The following PKHD1 variants were observed in gnomAD, a reference collection of about 807,000 sequenced individuals.
The protein encoded by PKHD1 is PKHD1 ciliary IPT domain containing fibrocystin/polyductin, also known as fibrocystin.
PKHD1 carries 291 observed loss-of-function variants against 412.0 expected under a neutral mutation model. The ratio of observed to expected loss-of-function variants is 0.71; its 90% CI spans 0.64 to 0.78. The LOEUF (loss-of-function observed/expected upper bound fraction) is 0.78, where lower values mean the gene tolerates loss of function less well. PKHD1 is among the 30% of genes least tolerant of loss of function. The pLI, the probability that PKHD1 is intolerant of heterozygous loss-of-function variation, is 0.00. For synonymous variants in PKHD1, 1,777 were observed against 1,821.5 expected, an observed-to-expected ratio of 0.98 and a Z score of 0.62; for missense variants, 4,825 against 4,950.7, an observed-to-expected ratio of 0.97 and a Z score of 0.76.
intron 4 of PKHD1, among the ~76,000 whole-genome samples, chr6:52,081,811 T>C (rs1001628371): frequency 6.6e-6 from 1 of 152,166 alleles, no homozygotes; most frequent in African/African-American, 2.4e-5. Context: ...AGTGTTTTTT[T>C]TCTCTTAACC....
intron 37 of PKHD1, among the ~76,000 whole-genome samples, chr6:51,932,599 T>C (rs1266886): frequency 0.7 from 107,227 of 152,156 alleles, 38,273 homozygotes; most frequent in East Asian, 0.94. Flanking sequence ...TTGAAAACCA[T>C]GGCTGACGTG....
At chr6:51,948,115 A>G (rs907296174) in intron 36 of PKHD1, among the ~76,000 whole-genome samples, 3 of 152,104 alleles carry the variant, frequency 2.0e-5, no homozygotes, top group African/African-American at 7.2e-5. Context: ...CTGGGGTCCA[A>G]GTCACTCTCA....
intron 37 of PKHD1, among the ~76,000 whole-genome samples, chr6:51,933,437 GT>G (rs1786968330): frequency 6.6e-6 from 1 of 152,174 alleles, no homozygotes. Flanking sequence ...ACTAAATGAG[GT>G]TGTCTGTATT....
chr6:51,961,500 C>A (rs1369179516), intron 35 of PKHD1, among the ~76,000 whole-genome samples: 1 of 152,082 alleles, frequency 6.6e-6, no homozygotes, highest in Non-Finnish European at 1.5e-5. Flanking sequence ...ACTGCAGTAT[C>A]TGTAGGCTAC....
chr6:51,904,877 GAACA>G (rs1250224371), intron 41 of PKHD1, among the ~76,000 whole-genome samples: 1 of 152,070 alleles, frequency 6.6e-6, no homozygotes, highest in African/African-American at 2.4e-5. Context: ...ACAAACATAG[GAACA>G]AACAAAGTCA....
chr6:51,772,624 C>T, intron 55 of PKHD1, 78 bp downstream of exon 55: 1 of 723,186 alleles, frequency 1.4e-6, no homozygotes, highest in South Asian at 1.7e-5. Context: ...AAATCAGTTT[C>T]ATATTGTAAC....
chr6:51,808,934 G>T (rs1189443407), intron 52 of PKHD1, among the ~76,000 whole-genome samples: 1 of 151,970 alleles, frequency 6.6e-6, no homozygotes, highest in Non-Finnish European at 1.5e-5. Context: ...CCACTTTGCT[G>T]GTCCATAATC....
intron 65 of PKHD1, among the ~76,000 whole-genome samples, chr6:51,629,942 T>A (rs1318733974): frequency 2.0e-5 from 3 of 151,760 alleles, no homozygotes; most frequent in Admixed American, 1.3e-4. Context: ...AAAACTTGTA[T>A]CAACTACATG....
rs765687596 is a variant in PKHD1, at chr6:52,066,041, C to T, written c.815G>A (p.Gly272Glu). ...TGTAATTGTGATGTTTGTTCTTCCC[C>T]CAAGGCTCCCAGTTTCTGGAAACAC... The part of the protein sequence containing the change: ...LSVFPETGSL[G>E]GRTNITITGD... The change falls in exon 12 of 67, where the codon GGG becomes GAG. Residue 272 changes from glycine to glutamate, a missense_variant. By Grantham distance (98) the Gly-to-Glu change is moderately conservative. Transcript: ENST00000371117. 41 of 1,601,910 alleles carry T rather than the reference C, an allele frequency of 2.6e-5. No individual in the cohort carries two copies. Among genetic ancestry groups the T allele is most frequent in the Middle Eastern group, 1.7e-4 (1 of 6,052 alleles).
chr6:51,629,783 A>G (rs1767710218), intron 65 of PKHD1, among the ~76,000 whole-genome samples: 1 of 152,166 alleles, frequency 6.6e-6, no homozygotes, highest in Admixed American at 6.6e-5. Context: ...TGAAATAATG[A>G]TTGAGAAATT....
intron 60 of PKHD1, chr6:51,721,991 C>T (rs1312112558): frequency 6.2e-7 from 1 of 1,613,610 alleles, no homozygotes; most frequent in East Asian, 2.2e-5. Context: ...CTCCTCTATT[C>T]TGAAATCTTC....
chr6:51,720,282 T>C (rs1157381456), intron 60 of PKHD1, among the ~76,000 whole-genome samples: 1 of 152,130 alleles, frequency 6.6e-6, no homozygotes, highest in Non-Finnish European at 1.5e-5. Context: ...GAGAAGTAAG[T>C]TATATCAGTC....
intron 52 of PKHD1, among the ~76,000 whole-genome samples, chr6:51,801,051 C>G (rs547232874): frequency 2.6e-5 from 4 of 152,102 alleles, no homozygotes; most frequent in Admixed American, 1.3e-4. Flanking sequence ...ATTAAATGAT[C>G]TAATCTTCCT....
chr6:51,665,118 A>C (rs927562877), intron 60 of PKHD1, among the ~76,000 whole-genome samples: 1 of 152,128 alleles, frequency 6.6e-6, no homozygotes, highest in African/African-American at 2.4e-5. Flanking sequence ...TTTTCTCCAG[A>C]ATATACTCTT....
chr6:51,892,338 G>T lies in PKHD1; in HGVS notation c.6997-5093C>A, dbSNP rs1373043799. ...TTTCTAAGACTTCAATGGTCTTAGG[G>T]TGGCCTAGTCTAGAGTGGTGGTTGT... On this transcript the variant is annotated intron_variant, in intron 43 of 66. Transcript: ENST00000371117. 5.3e-5 allele frequency among the ~76,000 whole-genome samples: 8 copies of T among 152,192 alleles called. No individual in the cohort carries two copies. The South Asian group carries it at 6.2e-4, about 12-fold the overall frequency.
At chr6:51,794,293 CT>C (rs1562325296) in intron 52 of PKHD1, among the ~76,000 whole-genome samples, 1 of 151,972 alleles carries the variant, frequency 6.6e-6, no homozygotes, top group Non-Finnish European at 1.5e-5. Flanking sequence ...TGATGTTAAG[CT>C]TTTTTTCATA....
intron 60 of PKHD1, among the ~76,000 whole-genome samples, chr6:51,727,531 T>C (rs1175674233): frequency 6.6e-6 from 1 of 152,192 alleles, no homozygotes; most frequent in African/African-American, 2.4e-5. Context: ...CTTTACAGGG[T>C]GGCCCCCTTC....
chr6:51,902,223 T>A (rs972892896), intron 43 of PKHD1, among the ~76,000 whole-genome samples: 2 of 152,168 alleles, frequency 1.3e-5, no homozygotes, highest in Non-Finnish European at 2.9e-5. Flanking sequence ...CTTACAGACA[T>A]AGAAAGGGCA....
At chr6:51,737,376 G>A (rs919239898) in intron 60 of PKHD1, among the ~76,000 whole-genome samples, 3 of 152,090 alleles carry the variant, frequency 2.0e-5, no homozygotes, top group African/African-American at 4.8e-5. Flanking sequence ...ACATTTTGAG[G>A]TCAGTCACCT....
Sources: gnomAD v4.1 joint callset for allele counts (sites outside exome capture counted in the v4.1 genomes callset) on GRCh38, gnomAD v4.1.1 for gene constraint, MANE v1.5 for transcripts, NCBI Gene and HGNC (gene_info 2026-07-23, HGNC 2026-07-21) for gene names.